EXD3: variants seen among roughly 807,000 people sequenced by gnomAD.
EXD3 encodes exonuclease mut-7 homolog.
EXD3 carries 92 observed loss-of-function variants against 98.0 expected under a neutral mutation model. That is an observed-to-expected ratio of 0.94 (90% CI 0.79 to 1.12). EXD3 has a LOEUF of 1.12. Ranked by LOEUF, EXD3 falls within the 50% of genes most tolerant of loss-of-function variation. The pLI is 0.00. For synonymous variants in EXD3, 569 were observed against 526.0 expected (o/e 1.08, Z -1.12); for missense variants, 1,222 against 1,191.6 (o/e 1.03, Z -0.38).
intron 17 of EXD3, among the ~76,000 whole-genome samples, chr9:137,329,766 GTCACACGGGACTACACGGGA>G (rs1437068626): frequency 0.35 from 319 of 914 alleles, 13 homozygotes; most frequent in East Asian, 0.67. Context: ...ACTACACGGG[GTCACACGGGACTACACGGGA>G]CTACACGGGA....
rs531471882 is a variant in EXD3, at chr9:137,394,113, G to T, written c.55+1190C>A. 6.0e-4 allele frequency among the ~76,000 whole-genome samples: 90 copies of T among 150,764 alleles called. 1 individual carries two copies. The highest frequency in any genetic ancestry group is 7.5e-4 in the Non-Finnish European group (51 of 67,550). On this transcript the variant is annotated intron_variant, in intron 2 of 21. Transcript: ENST00000340951. ...TAGGCAGCTCCACTCCTTCCCAGCC[G>T]CCGCTTCCCTAACCCCAGCCTCCCA...
intron 1 of EXD3, among the ~76,000 whole-genome samples, chr9:137,404,339 C>G (rs892875544): frequency 1.3e-5 from 2 of 152,176 alleles, no homozygotes; most frequent in Middle Eastern, 3.2e-3. Context: ...CCCACAAGGC[C>G]TCTGCACACT....
chr9:137,422,835 A>C (rs1341837859), intron 1 of EXD3, among the ~76,000 whole-genome samples: 2 of 152,136 alleles, frequency 1.3e-5, no homozygotes, highest in African/African-American at 4.8e-5. Context: ...GGCGCGGAGG[A>C]GGGCAGGCCC....
intron 7 of EXD3, among the ~76,000 whole-genome samples, chr9:137,358,018 T>G (rs959228608): frequency 1.3e-5 from 2 of 151,630 alleles, no homozygotes; most frequent in Non-Finnish European, 2.9e-5. Flanking sequence ...AGATTAAGGG[T>G]GCGTCTGCCT....
Position 137,395,975 on chromosome 9 carries a change from T to C in EXD3, c.-47-571A>G, listed in dbSNP as rs1358314491. ...TTTCTTTTCTTTCTTTCTTTCTTTT[T>C]TTTTTTTTTGGAGACAGAGTCTCTC... On this transcript the variant is annotated intron_variant, in intron 1 of 21. Coordinates refer to ENST00000340951, the MANE Select transcript of EXD3 (RefSeq NM_017820.5). The surrounding 1 kb of genome is among the most constrained non-coding windows in gnomAD (Gnocchi z 6.5). Among the ~76,000 whole-genome samples, 1 of 151,056 alleles carries C rather than the reference T, an allele frequency of 6.6e-6. No homozygotes were observed. The highest frequency in any genetic ancestry group is 1.5e-5 in the Non-Finnish European group (1 of 67,658).
At chr9:137,316,753 G>T (rs894409610) in intron 19 of EXD3, among the ~76,000 whole-genome samples, 1 of 152,196 alleles carries the variant, frequency 6.6e-6, no homozygotes, top group African/African-American at 2.4e-5. Flanking sequence ...TAGAGCCGCT[G>T]GGGGCTGAGT....
rs879680381 is a variant in EXD3 at position 137,398,988 on chromosome 9, G to A, written c.-47-3584C>T. Reference sequence around the variant, plus strand: ...AAGACACACAGGCAACCATGTCCCCGTGACACGCGTCCAACATCCTCGTAA... The same window carrying A: ...AAGACACACAGGCAACCATGTCCCCATGACACGCGTCCAACATCCTCGTAA... On this transcript the variant is annotated intron_variant, in intron 1 of 21. Coordinates refer to ENST00000340951, the MANE Select transcript of EXD3 (RefSeq NM_017820.5). Among the ~76,000 whole-genome samples the A allele has an allele frequency of 3.9e-5, 6 of 152,126 alleles. No individual in the cohort carries two copies. The East Asian group carries it at 5.8e-4, about 15-fold the overall frequency.
At chr9:137,412,693 G>A (rs1486203724) in intron 1 of EXD3, among the ~76,000 whole-genome samples, 1 of 152,232 alleles carries the variant, frequency 6.6e-6, no homozygotes, top group Non-Finnish European at 1.5e-5. Context: ...GGGAGTTCAG[G>A]CCTCCTCAGT....
At chr9:137,406,020 G>A (rs1837694583) in intron 1 of EXD3, among the ~76,000 whole-genome samples, 2 of 152,034 alleles carry the variant, frequency 1.3e-5, no homozygotes, top group South Asian at 4.1e-4. Context: ...AGGAGTTTGA[G>A]ACCAGCCTGG....
intron 1 of EXD3, among the ~76,000 whole-genome samples, chr9:137,399,648 C>T (rs1049761318): frequency 6.6e-6 from 1 of 152,044 alleles, no homozygotes; most frequent in African/African-American, 2.4e-5. Flanking sequence ...AAACTGGGAA[C>T]AAAAAGAGGT....
intron 2 of EXD3, among the ~76,000 whole-genome samples, chr9:137,389,596 C>A (rs1284062566): frequency 6.6e-6 from 1 of 152,102 alleles, no homozygotes. Context: ...GGGCATGAGG[C>A]GGACGCCACT....
At chr9:137,346,797 G>A (rs1466812346) in intron 17 of EXD3, among the ~76,000 whole-genome samples, 1 of 152,026 alleles carries the variant, frequency 6.6e-6, no homozygotes, top group East Asian at 1.9e-4. Flanking sequence ...CCCACTCCTG[G>A]TACCACAATC....
At chr9:137,346,876 C>A (rs902842419) in intron 17 of EXD3, among the ~76,000 whole-genome samples, 1 of 151,692 alleles carries the variant, frequency 6.6e-6, no homozygotes, top group Non-Finnish European at 1.5e-5. Flanking sequence ...TGCAGTGGTG[C>A]GATCTCCACT....
At chr9:137,354,410 G>A (rs768635557) in intron 9 of EXD3, 33 bp from the exon 10 acceptor site, 8 of 1,612,074 alleles carry the variant, frequency 5.0e-6, no homozygotes, top group Non-Finnish European at 6.8e-6. Flanking sequence ...GCGGTTGCCA[G>A]GCAGCTCCAG....
chr9:137,351,212 A>C, intron 13 of EXD3, 65 bp from the exon 14 acceptor site: 1 of 1,534,108 alleles, frequency 6.5e-7, no homozygotes, highest in Non-Finnish European at 8.8e-7. Context: ...CCCTGACCCC[A>C]GGGTGCACCC....
At chr9:137,394,923 C>T (rs1837129974) in intron 2 of EXD3, among the ~76,000 whole-genome samples, 1 of 152,092 alleles carries the variant, frequency 6.6e-6, no homozygotes, top group Non-Finnish European at 1.5e-5. Flanking sequence ...CGGCGCTAAG[C>T]CCCCAAGGGT....
intron 3 of EXD3, chr9:137,374,735 G>A (rs1385314329): frequency 3.2e-5 from 32 of 985,488 alleles, no homozygotes; most frequent in Non-Finnish European, 3.9e-5. Context: ...CAGACAGGGT[G>A]AAAGGCAGCT....
intron 7 of EXD3, chr9:137,365,622 C>T: frequency 4.7e-6 from 1 of 212,030 alleles, no homozygotes; most frequent in Non-Finnish European, 9.5e-6. Flanking sequence ...CGCACACCTG[C>T]AGGCACACAC....
intron 1 of EXD3, among the ~76,000 whole-genome samples, chr9:137,421,237 T>C (rs954519293): frequency 2.0e-4 from 31 of 152,156 alleles, no homozygotes; most frequent in Admixed American, 5.9e-4. Context: ...ACCTGTCTGA[T>C]GTGGGGAAAA....
Sources: allele counts gnomAD v4.1 joint callset (sites outside exome capture counted in the v4.1 genomes callset), GRCh38; gene constraint gnomAD v4.1.1; non-coding constraint Gnocchi (gnomAD v3.1); transcripts MANE v1.5; gene names NCBI Gene and HGNC (gene_info 2026-07-23, HGNC 2026-07-21).